Variants in EPHA6 observed in about 807,000 individuals in gnomAD.
EPHA6 encodes EPH receptor A6.
In EPHA6, 50 loss-of-function variants were observed where a neutral mutation model predicts 112.0. The observed-to-expected ratio is 0.45, with a 90% CI of 0.36 to 0.56. The LOEUF (loss-of-function observed/expected upper bound fraction) is 0.56. EPHA6 is among the 20% of genes least tolerant of loss of function. The pLI is 0.00. For synonymous variants in EPHA6, 529 were observed against 490.7 expected (o/e 1.08, Z -1.03); for missense variants, 1,280 against 1,417.4 (o/e 0.90, Z 1.56).
At chr3:96,865,694 C>CAAAAAA (rs57565102) in intron 1 of EPHA6, among the ~76,000 whole-genome samples, 28 of 81,978 alleles carry the variant, frequency 3.4e-4, no homozygotes, top group South Asian at 8.3e-4. Flanking sequence ...AAAAAACAAA[C>CAAAAAA]AAAAAAAAAA....
intron 5 of EPHA6, among the ~76,000 whole-genome samples, chr3:97,379,674 G>T (rs1469502591): frequency 6.8e-6 from 1 of 148,110 alleles, no homozygotes; most frequent in Admixed American, 6.7e-5. Context: ...GTTTGAACCT[G>T]GGAGGCAGAG....
intron 1 of EPHA6, among the ~76,000 whole-genome samples, chr3:96,841,941 T>C (rs1559764803): frequency 6.6e-6 from 1 of 152,110 alleles, no homozygotes; most frequent in African/African-American, 2.4e-5. Flanking sequence ...ATTAATTCTG[T>C]CTATTCTTCT....
intron 11 of EPHA6, among the ~76,000 whole-genome samples, chr3:97,591,855 C>G (rs898983950): frequency 6.6e-5 from 10 of 152,130 alleles, no homozygotes; most frequent in African/African-American, 2.4e-4. Context: ...GGCAGTGACT[C>G]CCCTCCTTAG....
chr3:97,055,693 C>A (rs1452113780), intron 3 of EPHA6, among the ~76,000 whole-genome samples: 1 of 152,044 alleles, frequency 6.6e-6, no homozygotes, highest in Admixed American at 6.6e-5. Context: ...TTTCTAATAG[C>A]AAATCATGTA....
chr3:96,956,264 T>C (rs2041754783), intron 2 of EPHA6, among the ~76,000 whole-genome samples: 1 of 152,196 alleles, frequency 6.6e-6, no homozygotes, highest in Non-Finnish European at 1.5e-5. Flanking sequence ...TCCAGTAAGT[T>C]GTAGAGAAGG....
chr3:97,097,625 A>G (rs1249105810), intron 3 of EPHA6, among the ~76,000 whole-genome samples: 2 of 151,840 alleles, frequency 1.3e-5, no homozygotes, highest in Admixed American at 1.3e-4. Flanking sequence ...ATTAAAATTT[A>G]TGTCTTCACT....
At chr3:97,238,827 A>G (rs1002582576) in intron 4 of EPHA6, among the ~76,000 whole-genome samples, 3 of 151,882 alleles carry the variant, frequency 2.0e-5, no homozygotes, top group Non-Finnish European at 4.4e-5. Flanking sequence ...ACAAAGGCAA[A>G]AGGGAGCTAG....
chr3:96,974,070 G>T (rs2042424059), intron 2 of EPHA6, among the ~76,000 whole-genome samples: 3 of 144,534 alleles, frequency 2.1e-5, no homozygotes, highest in South Asian at 2.1e-4. Context: ...TTATATATTT[G>T]TAGTATGATT....
Position 97,431,061 on chromosome 3 carries a change from A to C in EPHA6, c.1732-17507A>C, listed in dbSNP as rs1483797385. On this transcript the variant is annotated intron_variant, in intron 6 of 17. Transcript: ENST00000389672. ...GGAAAATTATGAAATAATTTGATTAACCTAAGGGTTCTAATATTTGAAAAG... is the reference window on the plus strand; with the variant it reads ...GGAAAATTATGAAATAATTTGATTACCCTAAGGGTTCTAATATTTGAAAAG... Among the ~76,000 whole-genome samples, 7 of 152,168 alleles carry C rather than the reference A, an allele frequency of 4.6e-5. No homozygotes were observed. In the East Asian group the frequency reaches 1.4e-3, roughly 29 times the overall value.
intron 2 of EPHA6, among the ~76,000 whole-genome samples, chr3:96,899,744 C>T (rs1180227178): frequency 6.6e-6 from 1 of 152,044 alleles, no homozygotes; most frequent in Non-Finnish European, 1.5e-5. Flanking sequence ...AAGCAGTAGT[C>T]CTGTTGCATG....
intron 11 of EPHA6, among the ~76,000 whole-genome samples, chr3:97,557,611 A>C: frequency 6.6e-6 from 1 of 151,558 alleles, no homozygotes; most frequent in Admixed American, 6.6e-5. Context: ...AGAATAGAAA[A>C]CTCACTTTTT....
At chr3:96,900,133 A>G (rs1401446649) in intron 2 of EPHA6, among the ~76,000 whole-genome samples, 1 of 152,166 alleles carries the variant, frequency 6.6e-6, no homozygotes, top group African/African-American at 2.4e-5. Flanking sequence ...TGAGCCTCCT[A>G]GCTATTTAGA....
At chr3:97,090,449 T>G (rs2047028969) in intron 3 of EPHA6, among the ~76,000 whole-genome samples, 1 of 152,092 alleles carries the variant, frequency 6.6e-6, no homozygotes, top group Non-Finnish European at 1.5e-5. Flanking sequence ...ACATTGTAAT[T>G]TTTTTGCTCT....
chr3:97,517,730 A>C (rs1185587761), intron 10 of EPHA6, among the ~76,000 whole-genome samples: 1 of 152,004 alleles, frequency 6.6e-6, no homozygotes, highest in Non-Finnish European at 1.5e-5. Context: ...ACTTTGATCA[A>C]CACCTTCCCT....
intron 2 of EPHA6, among the ~76,000 whole-genome samples, 174 bp from the exon 3 acceptor site, chr3:96,987,156 A>G (rs2043052859): frequency 6.6e-6 from 1 of 152,234 alleles, no homozygotes; most frequent in Non-Finnish European, 1.5e-5. Context: ...TAGAACCTGT[A>G]CTTTTAACTA....
At chr3:97,246,147 A>T (rs975908695) in intron 5 of EPHA6, among the ~76,000 whole-genome samples, 3 of 151,974 alleles carry the variant, frequency 2.0e-5, no homozygotes, top group Admixed American at 6.6e-5. Flanking sequence ...TATCTTAAAT[A>T]TAAAGTAGAT....
At chr3:97,032,294 G>A (rs2044888143) in intron 3 of EPHA6, among the ~76,000 whole-genome samples, 1 of 152,058 alleles carries the variant, frequency 6.6e-6, no homozygotes, top group African/African-American at 2.4e-5. Flanking sequence ...ACCAGGGACT[G>A]TTGTGGGGTG....
At chr3:97,067,537 A>T (rs1487653328) in intron 3 of EPHA6, among the ~76,000 whole-genome samples, 6 of 148,016 alleles carry the variant, frequency 4.1e-5, no homozygotes, top group Admixed American at 1.4e-4. Context: ...TTATCAGGAA[A>T]ATATATATAT....
At chr3:97,122,094 G>T (rs2108305059) in intron 3 of EPHA6, among the ~76,000 whole-genome samples, 1 of 152,124 alleles carries the variant, frequency 6.6e-6, no homozygotes, top group Non-Finnish European at 1.5e-5. Flanking sequence ...AACAAATACA[G>T]TAGAATGATT....
Sources: gnomAD v4.1 joint callset for allele counts (sites outside exome capture counted in the v4.1 genomes callset) on GRCh38, gnomAD v4.1.1 for gene constraint, MANE v1.5 for transcripts, NCBI Gene and HGNC (gene_info 2026-07-23, HGNC 2026-07-21) for gene names.